ODAD2: variants seen among roughly 807,000 people sequenced by gnomAD.
ODAD2 encodes the protein outer dynein arm-docking complex subunit 2.
ODAD2 carries 89 observed loss-of-function variants against 106.8 expected under a neutral mutation model. The observed-to-expected ratio is 0.83, with a 90% CI of 0.70 to 0.99. The LOEUF is 0.99. Ranked by LOEUF, ODAD2 falls within the 50% of genes least tolerant of loss-of-function variation. ODAD2 has a pLI of 0.00. For missense variants in ODAD2, 1,168 were observed against 1,238.5 expected (o/e 0.94, Z 0.85); for synonymous variants, 404 against 436.2 (o/e 0.93, Z 0.92).
intron 17 of ODAD2, among the ~76,000 whole-genome samples, chr10:27,871,775 G>A (rs1840912519): frequency 6.6e-6 from 1 of 152,264 alleles, no homozygotes; most frequent in South Asian, 2.1e-4. Context: ...AGTATAGTTT[G>A]AAGTCAGGTA....
chr10:27,965,679 C>T (rs540626741), intron 9 of ODAD2, among the ~76,000 whole-genome samples: 4 of 152,176 alleles, frequency 2.6e-5, no homozygotes, highest in African/African-American at 9.6e-5. Flanking sequence ...TCTGGGTCCC[C>T]AGTAATCCAT....
chr10:27,965,571 G>C (rs1183620773), intron 9 of ODAD2, among the ~76,000 whole-genome samples: 1 of 152,198 alleles, frequency 6.6e-6, no homozygotes, highest in Admixed American at 6.5e-5. Context: ...TTTGCATTTA[G>C]AGTAGTGTCC....
Position 27,907,843 on chromosome 10 carries a change from C to A in ODAD2, c.2496-66G>T, listed in dbSNP as rs989994017. 9 of 1,078,288 alleles carry A rather than the reference C, an allele frequency of 8.3e-6. No homozygotes were observed. In the Admixed American group the frequency reaches 8.5e-5, roughly 10 times the overall value. 66.8% of individuals were successfully genotyped at this position (1,078,288 alleles called of 1,614,324 possible). On this transcript the variant is annotated intron_variant, in intron 16 of 19. Transcript: ENST00000305242. Reference sequence around the variant, plus strand: ...TATGTGAAGACAAACATTTTAATGACCCACTTATTTAATTATTTTTTCTCC... The same window carrying A: ...TATGTGAAGACAAACATTTTAATGAACCACTTATTTAATTATTTTTTCTCC...
chr10:27,868,446 T>C (rs1255007328), intron 17 of ODAD2, among the ~76,000 whole-genome samples: 2 of 152,152 alleles, frequency 1.3e-5, no homozygotes, highest in African/African-American at 4.8e-5. Flanking sequence ...CCATCAATGA[T>C]ACACTGGATA....
intron 19 of ODAD2, among the ~76,000 whole-genome samples, chr10:27,840,522 C>A (rs1838233630): frequency 1.3e-5 from 2 of 152,132 alleles, no homozygotes; most frequent in African/African-American, 4.8e-5. Flanking sequence ...ACTGATTGGA[C>A]AAGGGGGTGG....
At position 27,915,963 on chromosome 10, in the gene ODAD2, T is replaced by G. The variant is rs77627269; in HGVS notation, c.2496-8186A>C. Among the ~76,000 whole-genome samples, 665 of 152,006 alleles carry G rather than the reference T, an allele frequency of 4.4e-3. 3 individuals carry two copies. The highest frequency in any genetic ancestry group is 0.015 in the African/African-American group (638 of 41,462). ...GTTGTTTTAATGGTCCACCATGGAGTGTTAGAGCACAAGAAGGATGAAGAG... is the reference window on the plus strand; with the variant it reads ...GTTGTTTTAATGGTCCACCATGGAGGGTTAGAGCACAAGAAGGATGAAGAG... On this transcript the variant is annotated intron_variant, in intron 16 of 19. Coordinates refer to ENST00000305242, the MANE Select transcript of ODAD2 (RefSeq NM_018076.5).
chr10:27,983,862 C>T lies in ODAD2; in HGVS notation c.800G>A (p.Gly267Glu). 1 of 1,613,362 alleles carries T rather than the reference C, an allele frequency of 6.2e-7. No individual in the cohort carries two copies. ...ACTTACACCATTTAAAAATACTCCT[C>T]CTGCACTGCAAGTAATGCACAGAGT... ...GETLCITCSA[G>E]GVFLNGGKTD... is the part of the protein sequence containing the mutation. The change falls in exon 6 of 20, where the codon GGA becomes GAA. Residue 267 changes from glycine (G) to glutamate (E), a missense_variant. By Grantham distance (98) the Gly-to-Glu change is moderately conservative. Coordinates refer to ENST00000305242, the MANE Select transcript of ODAD2 (RefSeq NM_018076.5).
Position 27,971,100 on chromosome 10 carries a change from C to T in ODAD2, c.1142+8G>A, listed in dbSNP as rs1848828417. ...TGCATCTGAAAACAAATGCAAATAT[C>T]TACATACCCTTTGTAATTAACAGTG... On this transcript the variant is annotated splice_region_variant and intron_variant, in intron 8 of 19. Coordinates refer to ENST00000305242, the MANE Select transcript of ODAD2 (RefSeq NM_018076.5). The T allele has an allele frequency of 6.2e-7, 1 of 1,606,872 alleles. No homozygotes were observed. The highest frequency in any genetic ancestry group is 1.7e-5 in the Admixed American group (1 of 59,896).
At chr10:27,873,690 T>C (rs1192181968) in intron 17 of ODAD2, among the ~76,000 whole-genome samples, 1 of 152,196 alleles carries the variant, frequency 6.6e-6, no homozygotes, top group African/African-American at 2.4e-5. Context: ...TAATCCTGAG[T>C]TCTAGTTTGA....
chr10:27,915,931 C>A (rs534313931), intron 16 of ODAD2, among the ~76,000 whole-genome samples: 1 of 152,248 alleles, frequency 6.6e-6, no homozygotes, highest in South Asian at 2.1e-4. Context: ...GCAGGTGAGC[C>A]AACAAGGTTG....
intron 10 of ODAD2, among the ~76,000 whole-genome samples, chr10:27,959,255 G>GTAAA: frequency 7.0e-6 from 1 of 142,886 alleles, no homozygotes; most frequent in African/African-American, 2.7e-5. Context: ...GAAGAAAGAA[G>GTAAA]GAAAGAAAGA....
intron 16 of ODAD2, among the ~76,000 whole-genome samples, chr10:27,922,071 G>A (rs1844829742): frequency 6.7e-6 from 1 of 149,848 alleles, no homozygotes; most frequent in African/African-American, 2.5e-5. Context: ...GTAGGCTGAG[G>A]TGGAAGGATA....
chr10:27,881,683 A>T (rs1261990973), intron 17 of ODAD2, among the ~76,000 whole-genome samples: 1 of 152,120 alleles, frequency 6.6e-6, no homozygotes, highest in African/African-American at 2.4e-5. Flanking sequence ...ATCCTTGACT[A>T]TTATTAGATA....
chr10:27,862,425 G>A lies in ODAD2; in HGVS notation c.2799+9C>T, dbSNP rs774036248. On this transcript the variant is annotated intron_variant, in intron 18 of 19. Transcript: ENST00000305242. The stretch of plus-strand genomic sequence containing the variant: ...ATATGCATGTAAAACAAAAAGATGT[G>A]TTACTTACTGTATTTGCCAGTTTGG... 6.3e-7 allele frequency: 1 copy of A among 1,595,422 alleles called. No individual in the cohort carries two copies.
chr10:27,936,156 C>A (rs1274461575), intron 15 of ODAD2, among the ~76,000 whole-genome samples: 1 of 152,072 alleles, frequency 6.6e-6, no homozygotes, highest in Non-Finnish European at 1.5e-5. Flanking sequence ...GGAGAAGCTG[C>A]CTCAGAATAC....
chr10:27,966,348 T>C (rs1337595019), intron 9 of ODAD2, among the ~76,000 whole-genome samples: 1 of 152,186 alleles, frequency 6.6e-6, no homozygotes, highest in Admixed American at 6.5e-5. Flanking sequence ...CTAAGTTCTT[T>C]GAGGAAAGCC....
At chr10:27,915,542 A>C (rs1050464993) in intron 16 of ODAD2, among the ~76,000 whole-genome samples, 9 of 152,070 alleles carry the variant, frequency 5.9e-5, no homozygotes, top group Non-Finnish European at 1.2e-4. Flanking sequence ...AATGGGGATT[A>C]AGTTTCAACA....
At chr10:27,896,938 C>T (rs1160539983) in intron 17 of ODAD2, among the ~76,000 whole-genome samples, 1 of 152,042 alleles carries the variant, frequency 6.6e-6, no homozygotes, top group African/African-American at 2.4e-5. Flanking sequence ...CCCCTCAATT[C>T]ATTTCTCGCT....
intron 19 of ODAD2, among the ~76,000 whole-genome samples, chr10:27,839,759 G>C (rs1181910776): frequency 6.6e-6 from 1 of 152,182 alleles, no homozygotes; most frequent in East Asian, 1.9e-4. Flanking sequence ...ACCAACATGG[G>C]AATGCTTCAC....
Sources: gnomAD v4.1 joint callset for allele counts (sites outside exome capture counted in the v4.1 genomes callset) on GRCh38, gnomAD v4.1.1 for gene constraint, MANE v1.5 for transcripts, NCBI Gene and HGNC (gene_info 2026-07-23, HGNC 2026-07-21) for gene names.